CNTN5: variants seen among roughly 807,000 people sequenced by gnomAD.
The protein encoded by CNTN5 is contactin 5.
CNTN5 carries 77 observed loss-of-function variants against 129.1 expected under a neutral mutation model. The ratio of observed to expected loss-of-function variants is 0.60; its 90% confidence interval spans 0.50 to 0.72. CNTN5 has a LOEUF of 0.72. CNTN5 is among the 30% of genes least tolerant of loss of function. CNTN5 has a pLI of 0.00. For synonymous variants in CNTN5, 509 were observed against 465.6 expected (o/e 1.09, Z -1.20); for missense variants, 1,478 against 1,328.8 (o/e 1.11, Z -1.75).
At chr11:99,107,346 T>C (rs1312112964) in intron 1 of CNTN5, among the ~76,000 whole-genome samples, 1 of 152,206 alleles carries the variant, frequency 6.6e-6, no homozygotes, top group Non-Finnish European at 1.5e-5. Flanking sequence ...AAATCATTTG[T>C]TGGTTTTTTT....
At chr11:100,275,071 T>G in intron 18 of CNTN5, among the ~76,000 whole-genome samples, 1 of 144,148 alleles carries the variant, frequency 6.9e-6, no homozygotes, top group East Asian at 2.1e-4. Flanking sequence ...ATGTTCAGTT[T>G]TTTTCCATAT....
chr11:99,196,531 T>G (rs530570977), intron 1 of CNTN5, among the ~76,000 whole-genome samples: 16 of 152,086 alleles, frequency 1.1e-4, no homozygotes, highest in Admixed American at 6.5e-4. Context: ...ATGTGGTACT[T>G]TATTTTCTTT....
At chr11:99,242,560 T>A (rs1861614386) in intron 1 of CNTN5, among the ~76,000 whole-genome samples, 1 of 151,964 alleles carries the variant, frequency 6.6e-6, no homozygotes, top group African/African-American at 2.4e-5. Flanking sequence ...GTCGCTGAGG[T>A]TTGAGATACA....
At chr11:99,256,382 G>C (rs1862377593) in intron 1 of CNTN5, among the ~76,000 whole-genome samples, 1 of 152,042 alleles carries the variant, frequency 6.6e-6, no homozygotes, top group African/African-American at 2.4e-5. Flanking sequence ...GTGTTTGATA[G>C]AACTGCCAAA....
intron 1 of CNTN5, among the ~76,000 whole-genome samples, chr11:99,245,829 A>G (rs1472745114): frequency 6.6e-6 from 1 of 152,158 alleles, no homozygotes; most frequent in African/African-American, 2.4e-5. Context: ...GTATCACAAT[A>G]TGTTTAGCAA....
intron 11 of CNTN5, 34 bp from the exon 12 acceptor site, chr11:100,071,671 C>T (rs2407316): frequency 3.0e-5 from 44 of 1,488,186 alleles, no homozygotes; most frequent in South Asian, 3.9e-5. Flanking sequence ...TATTTGTTTA[C>T]TTTCTAGATC....
Position 99,899,570 on chromosome 11 carries a change from G to A in CNTN5, c.578-16484G>A, listed in dbSNP as rs375102668. Among the ~76,000 whole-genome samples, 11 of 152,118 alleles carry A rather than the reference G, an allele frequency of 7.2e-5. No individual in the cohort carries two copies. The East Asian group carries it at 1.2e-3, about 16-fold the overall frequency. The stretch of plus-strand genomic sequence containing the variant: ...TGAGCCATCCTTGCATCCCTTGAGC[G>A]AAGCACATTTGATCATGGCAAATTA... On this transcript the variant is annotated intron_variant, in intron 6 of 24. Coordinates refer to ENST00000524871, the MANE Select transcript of CNTN5 (RefSeq NM_014361.4).
At chr11:99,219,262 A>G (rs12806504) in intron 1 of CNTN5, among the ~76,000 whole-genome samples, 21,812 of 151,926 alleles carry the variant, frequency 0.14, 1,985 homozygotes, top group Non-Finnish European at 0.21. Context: ...AGATTTACAT[A>G]CTAAATATTA....
chr11:99,164,830 T>G (rs975827975), intron 1 of CNTN5, among the ~76,000 whole-genome samples: 3 of 152,208 alleles, frequency 2.0e-5, no homozygotes, highest in African/African-American at 7.2e-5. Flanking sequence ...ATATTGTATG[T>G]TTGGTACACA....
chr11:100,078,571 T>C (rs2137913806), intron 13 of CNTN5, among the ~76,000 whole-genome samples: 1 of 152,248 alleles, frequency 6.6e-6, no homozygotes, highest in East Asian at 1.9e-4. Flanking sequence ...ACGTTGTTGG[T>C]AAAAGTATAA....
chr11:99,076,513 T>G (rs1865583258), intron 1 of CNTN5, among the ~76,000 whole-genome samples: 1 of 152,004 alleles, frequency 6.6e-6, no homozygotes, highest in South Asian at 2.1e-4. Context: ...TGGTAATAAC[T>G]GATATGTGAA....
chr11:99,033,466 C>T (rs1417442197), intron 1 of CNTN5, among the ~76,000 whole-genome samples: 2 of 152,118 alleles, frequency 1.3e-5, no homozygotes, highest in African/African-American at 2.4e-5. Context: ...TGTAGTTCTC[C>T]TTGAAGAGGT....
chr11:100,278,260 G>A (rs1031979477), intron 18 of CNTN5, among the ~76,000 whole-genome samples: 3 of 151,968 alleles, frequency 2.0e-5, no homozygotes, highest in Admixed American at 6.6e-5. Flanking sequence ...CACCAGTTTT[G>A]TTCTTTTTGC....
intron 3 of CNTN5, among the ~76,000 whole-genome samples, chr11:99,619,802 G>T (rs933657739): frequency 1.3e-5 from 2 of 151,956 alleles, no homozygotes; most frequent in African/African-American, 4.8e-5. Context: ...CGAGGCGGGC[G>T]GATCACAAGG....
At chr11:99,039,814 C>T (rs533264486) in intron 1 of CNTN5, among the ~76,000 whole-genome samples, 69 of 152,096 alleles carry the variant, frequency 4.5e-4, no homozygotes, top group Middle Eastern at 3.4e-3. Context: ...ATCAGGAGTA[C>T]CCTATCTAAC....
intron 3 of CNTN5, among the ~76,000 whole-genome samples, chr11:99,668,530 A>C (rs73551452): frequency 0.018 from 2,786 of 152,286 alleles, 94 homozygotes; most frequent in African/African-American, 0.063. Flanking sequence ...AATGTGGAAG[A>C]AGCTTTGTTT....
Position 100,160,493 on chromosome 11 carries a change from A to C in CNTN5, c.1581-30633A>C, listed in dbSNP as rs555467223. 2.6e-5 allele frequency among the ~76,000 whole-genome samples: 4 copies of C among 152,062 alleles called. No individual in the cohort carries two copies. The South Asian group carries it at 8.3e-4, about 32-fold the overall frequency. On this transcript the variant is annotated intron_variant, in intron 13 of 24. Coordinates refer to ENST00000524871, the MANE Select transcript of CNTN5 (RefSeq NM_014361.4). ...GTATATTTGTAACAGATGAAGAAAG[A>C]TGATTGTTTATGATTCCCAGTAGAA...
chr11:99,393,782 C>T (rs1565545652), intron 2 of CNTN5, among the ~76,000 whole-genome samples: 1 of 151,588 alleles, frequency 6.6e-6, no homozygotes, highest in South Asian at 2.1e-4. Flanking sequence ...TGAAATTATA[C>T]AAGCTTTGTA....
chr11:100,206,207 G>A (rs1397654256), intron 15 of CNTN5, among the ~76,000 whole-genome samples: 1 of 152,084 alleles, frequency 6.6e-6, no homozygotes, highest in Admixed American at 6.6e-5. Context: ...AACAGAGTAA[G>A]TTTTGCAGAC....
Sources: allele counts gnomAD v4.1 joint callset (sites outside exome capture counted in the v4.1 genomes callset), GRCh38; gene constraint gnomAD v4.1.1; transcripts MANE v1.5; gene names NCBI Gene and HGNC (gene_info 2026-07-23, HGNC 2026-07-21).